Variants in UNC5C observed in about 807,000 individuals in gnomAD.
UNC5C encodes netrin receptor UNC5C.
A neutral mutation model predicts 99.8 loss-of-function variants in UNC5C; 47 were observed. The observed-to-expected ratio is 0.47, with a 90% CI of 0.37 to 0.60. The LOEUF (loss-of-function observed/expected upper bound fraction) is 0.60, where lower values mean the gene tolerates loss of function less well. Ranked by LOEUF, UNC5C falls within the 20% of genes least tolerant of loss-of-function variation. The pLI is 0.00. For synonymous variants in UNC5C, 487 were observed against 452.2 expected, an observed-to-expected ratio of 1.08 and a Z score of -0.98; for missense variants, 1,062 against 1,165.9, an observed-to-expected ratio of 0.91 and a Z score of 1.30.
intron 14 of UNC5C, among the ~76,000 whole-genome samples, chr4:95,181,862 G>A (rs1199386785): frequency 6.6e-6 from 1 of 152,224 alleles, no homozygotes; most frequent in African/African-American, 2.4e-5. Flanking sequence ...GACATGTGAA[G>A]CAAGACAAGC....
At chr4:95,279,934 A>C (rs997023679) in intron 3 of UNC5C, among the ~76,000 whole-genome samples, 12 of 152,158 alleles carry the variant, frequency 7.9e-5, no homozygotes, top group Non-Finnish European at 2.9e-5. Flanking sequence ...TTTGATTCTC[A>C]TAAGAAGTGT....
In UNC5C at chr4:95,163,474, A is replaced by G. The variant is rs1326287921; in HGVS notation, c.*5760T>C. On this transcript the variant is annotated 3_prime_UTR_variant, in exon 16 of 16. Transcript: ENST00000453304. ...CTGCTGATCAGCAAAACCTGCCTAC[A>G]ATTCATCTTCTACACACCAGTACTG... is the stretch of plus-strand genomic sequence containing the variant. 1 of 152,158 alleles carries G rather than the reference A, an allele frequency of 6.6e-6. No homozygotes were observed. Among genetic ancestry groups the G allele is most frequent in the African/African-American group, 2.4e-5 (1 of 41,434 alleles). The allele number at this position is 152,158 out of a possible 1,614,324, so 9.4% of individuals were successfully genotyped here. A position where few individuals can be genotyped will look rare whatever the true frequency, so the allele number is the denominator to read the frequency against.
In UNC5C at chr4:95,446,369, C is replaced by T. The variant is rs192579520; in HGVS notation, c.124+102365G>A. Among the ~76,000 whole-genome samples, 698 of 152,212 alleles carry T rather than the reference C, an allele frequency of 4.6e-3. 6 individuals carry two copies. The highest frequency in any genetic ancestry group is 0.037 in the South Asian group (177 of 4,818). ...CCATATGGTGATAGACTCTGAGGGA[C>T]TACTTAATATTACAATACAAATTCT... On this transcript the variant is annotated intron_variant, in intron 1 of 15. Coordinates refer to ENST00000453304, the MANE Select transcript of UNC5C (RefSeq NM_003728.4).
intron 1 of UNC5C, among the ~76,000 whole-genome samples, chr4:95,544,913 A>G (rs1299166010): frequency 6.6e-6 from 1 of 152,234 alleles, no homozygotes; most frequent in African/African-American, 2.4e-5. Context: ...TGCTTCTGCA[A>G]AGCCATGACC....
intron 1 of UNC5C, among the ~76,000 whole-genome samples, chr4:95,376,780 T>A (rs770005855): frequency 6.6e-6 from 1 of 152,230 alleles, no homozygotes; most frequent in Non-Finnish European, 1.5e-5. Flanking sequence ...ATGAATACAC[T>A]CTACATCCAT....
intron 1 of UNC5C, among the ~76,000 whole-genome samples, chr4:95,536,114 G>A (rs964115605): frequency 3.1e-4 from 44 of 139,994 alleles, no homozygotes; most frequent in South Asian, 9.0e-4. Flanking sequence ...TCTCGCTCTT[G>A]TCACCCAGGC....
intron 4 of UNC5C, among the ~76,000 whole-genome samples, chr4:95,268,747 G>C (rs902000478): frequency 2.0e-5 from 3 of 152,176 alleles, no homozygotes; most frequent in Admixed American, 2.0e-4. Flanking sequence ...TGAAAAGTGA[G>C]TCCAGCAAGC....
chr4:95,494,578 T>C (rs926560921), intron 1 of UNC5C, among the ~76,000 whole-genome samples: 1 of 151,432 alleles, frequency 6.6e-6, no homozygotes, highest in Admixed American at 6.6e-5. Context: ...CTTCCCATAT[T>C]AAACACAATT....
chr4:95,340,268 A>G (rs888354838), intron 1 of UNC5C, among the ~76,000 whole-genome samples: 2 of 152,124 alleles, frequency 1.3e-5, no homozygotes, highest in African/African-American at 4.8e-5. Context: ...GACTTAAACT[A>G]TTATTGCTTA....
rs1387234459 is a variant in UNC5C at position 95,167,971 on chromosome 4, G to A, written c.*1263C>T. ...GGACACTGAGGTCGTGTGGTTAAAT[G>A]ACTTTCTCAAGGTGGCGCAACAAGA... On this transcript the variant is annotated 3_prime_UTR_variant, in exon 16 of 16. Coordinates refer to ENST00000453304, the MANE Select transcript of UNC5C (RefSeq NM_003728.4). The A allele has an allele frequency of 6.6e-6, 1 of 152,174 alleles. No homozygotes were observed. The highest frequency in any genetic ancestry group is 1.5e-5 in the Non-Finnish European group (1 of 68,036). The allele number at this position is 152,174 out of a possible 1,614,324, so 9.4% of individuals were successfully genotyped here.
At chr4:95,245,280 G>T in intron 5 of UNC5C, 136 bp from the exon 6 acceptor site, 2 of 1,001,150 alleles carry the variant, frequency 2.0e-6, no homozygotes, top group Non-Finnish European at 2.8e-6. Context: ...AAATTTCAAA[G>T]CCAGAAGAGA....
rs372479474 is a variant in UNC5C, at chr4:95,421,271, T to C, written c.125-85640A>G. Among the ~76,000 whole-genome samples, 309 of 152,266 alleles carry C rather than the reference T, an allele frequency of 2.0e-3. 3 individuals are homozygous for C. Among genetic ancestry groups the C allele is most frequent in the Middle Eastern group, 0.017 (5 of 294 alleles). Reference sequence around the variant, plus strand: ...TAGAATAGCTGTAGTATAACTGTAGTTTATTCTTCATAAAGGTTGGCCATG... The same window carrying C: ...TAGAATAGCTGTAGTATAACTGTAGCTTATTCTTCATAAAGGTTGGCCATG... On this transcript the variant is annotated intron_variant, in intron 1 of 15. Coordinates refer to ENST00000453304, the MANE Select transcript of UNC5C (RefSeq NM_003728.4).
At chr4:95,259,593 TTAAACTC>T (rs1740144520) in intron 4 of UNC5C, among the ~76,000 whole-genome samples, 1 of 152,180 alleles carries the variant, frequency 6.6e-6, no homozygotes, top group African/African-American at 2.4e-5. Flanking sequence ...ATATTTTCCT[TTAAACTC>T]TATGAGTTTA....
intron 1 of UNC5C, among the ~76,000 whole-genome samples, chr4:95,352,095 C>G (rs570688628): frequency 6.6e-6 from 1 of 152,140 alleles, no homozygotes; most frequent in African/African-American, 2.4e-5. Flanking sequence ...CAGATCATGT[C>G]ACATACACAA....
At chr4:95,439,523 T>G (rs1279282426) in intron 1 of UNC5C, among the ~76,000 whole-genome samples, 2 of 152,152 alleles carry the variant, frequency 1.3e-5, no homozygotes, top group African/African-American at 4.8e-5. Context: ...GAAATACTTC[T>G]GGAAACAAAA....
At chr4:95,203,663 C>T (rs368960394) in intron 11 of UNC5C, among the ~76,000 whole-genome samples, 2 of 152,046 alleles carry the variant, frequency 1.3e-5, no homozygotes, top group Admixed American at 1.3e-4. Flanking sequence ...TGGGGTTTCA[C>T]TATGTTGCCA....
At chr4:95,393,249 G>C (rs1287492988) in intron 1 of UNC5C, among the ~76,000 whole-genome samples, 1 of 152,184 alleles carries the variant, frequency 6.6e-6, no homozygotes, top group Non-Finnish European at 1.5e-5. Flanking sequence ...TCCTCCCTAA[G>C]ATATTAGGAG....
At chr4:95,201,598 C>T (rs1737658870) in intron 12 of UNC5C, among the ~76,000 whole-genome samples, 1 of 151,620 alleles carries the variant, frequency 6.6e-6, no homozygotes, top group Non-Finnish European at 1.5e-5. Context: ...AATATGCCTG[C>T]AGAGAGTCTT....
chr4:95,376,240 A>G (rs1744893271), intron 1 of UNC5C, among the ~76,000 whole-genome samples: 1 of 151,524 alleles, frequency 6.6e-6, no homozygotes, highest in South Asian at 2.1e-4. Flanking sequence ...ATGTGTATGT[A>G]TATATATATG....
Sources: allele counts gnomAD v4.1 joint callset (sites outside exome capture counted in the v4.1 genomes callset), GRCh38; gene constraint gnomAD v4.1.1; transcripts MANE v1.5; gene names NCBI Gene and HGNC (gene_info 2026-07-23, HGNC 2026-07-21).